The following CHN2 variants were observed in gnomAD, a reference collection of about 807,000 sequenced individuals.
CHN2 encodes chimerin 2.
In CHN2, 35 loss-of-function variants were observed where a neutral mutation model predicts 56.3. The ratio of observed to expected loss-of-function variants is 0.62; its 90% CI spans 0.47 to 0.82. The LOEUF (loss-of-function observed/expected upper bound fraction) is 0.82, where lower values mean the gene tolerates loss of function less well. Among genes scored for constraint, CHN2 ranks in the 40% least tolerant of loss-of-function variants. CHN2 has a pLI of 0.00. For missense variants in CHN2, 491 were observed against 580.5 expected (o/e 0.85, Z 1.58); for synonymous variants, 210 against 212.8 (o/e 0.99, Z 0.12).
At chr7:29,305,619 A>G (rs561489699) in intron 1 of CHN2, among the ~76,000 whole-genome samples, 87 of 152,340 alleles carry the variant, frequency 5.7e-4, no homozygotes, top group African/African-American at 2.0e-3. Context: ...AGAGTTAGCT[A>G]TTTGATTGGC....
rs1413479675 is a variant in CHN2 at position 29,175,917 on chromosome 7, T to TGG, written c.274+28958_274+28959dup. On this transcript the variant is annotated intron_variant, in intron 2 of 6. Transcript: ENST00000439384. ...TGAAAAAAAGACCAGACGGGCGCGGTGGCTCATGCCTGTAATCCCAGCACT... is the reference window on the plus strand; with the variant it reads ...TGAAAAAAAGACCAGACGGGCGCGGTGGGGCTCATGCCTGTAATCCCAGCACT... Among the ~76,000 whole-genome samples, 3 of 152,218 alleles carry TGG rather than the reference T, an allele frequency of 2.0e-5. No homozygotes were observed. The East Asian group carries it at 5.8e-4, about 29-fold the overall frequency.
chr7:29,301,576 A>T (rs1793666931), intron 1 of CHN2, among the ~76,000 whole-genome samples: 3 of 151,800 alleles, frequency 2.0e-5, no homozygotes. Context: ...GGAGATCTGG[A>T]CTCCAGGCAC....
chr7:29,406,683 C>T (rs1383763636), intron 6 of CHN2, among the ~76,000 whole-genome samples: 2 of 152,162 alleles, frequency 1.3e-5, no homozygotes, highest in African/African-American at 4.8e-5. Context: ...GCATCAACAT[C>T]AGCTGGGAGG....
intron 6 of CHN2, among the ~76,000 whole-genome samples, chr7:29,460,745 T>C (rs1372840993): frequency 6.6e-6 from 1 of 152,162 alleles, no homozygotes. Flanking sequence ...GGGAAGCAAA[T>C]GGCTGCTAGT....
intron 6 of CHN2, chr7:29,401,266 T>TA: frequency 1.3e-5 from 2 of 151,780 alleles, no homozygotes; most frequent in Admixed American, 6.5e-5. Context: ...AGACTCCGTC[T>TA]CAAAAAAAAA....
Position 29,337,237 on chromosome 7 carries a change from G to T in CHN2, c.50-17388G>T, listed in dbSNP as rs568951324. Among the ~76,000 whole-genome samples the T allele has an allele frequency of 6.6e-5, 10 of 152,316 alleles. 1 individual carries two copies. In the East Asian group the frequency reaches 1.7e-3, roughly 26 times the overall value. ...TACAATTCCTCCTTATGACCGTGCTGCTGAAAATAGATAAACAGAGGGTAC... is the reference window on the plus strand; with the variant it reads ...TACAATTCCTCCTTATGACCGTGCTTCTGAAAATAGATAAACAGAGGGTAC... On this transcript the variant is annotated intron_variant, in intron 1 of 12. Transcript: ENST00000222792.
At chr7:29,189,284 G>A (rs528499605) in intron 2 of CHN2, among the ~76,000 whole-genome samples, 4 of 151,948 alleles carry the variant, frequency 2.6e-5, no homozygotes, top group Admixed American at 6.6e-5. Context: ...CCCAGGCCTC[G>A]TATACTCCCT....
intron 6 of CHN2, among the ~76,000 whole-genome samples, chr7:29,462,085 G>T (rs758465651): frequency 7.9e-5 from 12 of 152,058 alleles, no homozygotes; most frequent in African/African-American, 1.4e-4. Flanking sequence ...TGTTTCACAC[G>T]CATTTTGTTT....
intron 1 of CHN2, chr7:29,293,078 G>C (rs1039820780): frequency 2.7e-5 from 12 of 451,074 alleles, no homozygotes; most frequent in Non-Finnish European, 5.4e-5. Flanking sequence ...TGCAAAGACA[G>C]AGCTGTCAGG....
At chr7:29,435,120 CAAA>C (rs909662455) in intron 6 of CHN2, among the ~76,000 whole-genome samples, 1 of 151,878 alleles carries the variant, frequency 6.6e-6, no homozygotes, top group Non-Finnish European at 1.5e-5. Context: ...AGCAAACAAA[CAAA>C]AAAACCAACC....
chr7:29,509,190 A>C, intron 11 of CHN2, 111 bp from the exon 12 acceptor site: 1 of 739,776 alleles, frequency 1.4e-6, no homozygotes, highest in Non-Finnish European at 2.4e-6. Flanking sequence ...GATTGCATGA[A>C]TTTATTAGAA....
intron 1 of CHN2, among the ~76,000 whole-genome samples, chr7:29,297,579 G>C (rs367652013): frequency 2.0e-5 from 3 of 152,114 alleles, no homozygotes; most frequent in South Asian, 2.1e-4. Flanking sequence ...GAAACAAGGT[G>C]GGGGGAGGGT....
intron 1 of CHN2, among the ~76,000 whole-genome samples, chr7:29,276,454 T>G (rs1791228946): frequency 6.6e-6 from 1 of 152,182 alleles, no homozygotes; most frequent in African/African-American, 2.4e-5. Context: ...ACTGGCTCTC[T>G]CTGCCAAGGC....
At chr7:29,406,622 C>T (rs145390606) in intron 6 of CHN2, among the ~76,000 whole-genome samples, 264 of 152,180 alleles carry the variant, frequency 1.7e-3, no homozygotes, top group African/African-American at 6.1e-3. Context: ...CTGTGTCCAG[C>T]GTCATTGTTT....
At chr7:29,239,874 T>A (rs1417609393) in intron 1 of CHN2, among the ~76,000 whole-genome samples, 43 of 152,190 alleles carry the variant, frequency 2.8e-4, no homozygotes, top group Non-Finnish European at 2.9e-5. Context: ...AAAGTGCTCC[T>A]ATCAGGGAGA....
chr7:29,483,777 C>T, intron 7 of CHN2: 3 of 1,141,188 alleles, frequency 2.6e-6, no homozygotes, highest in Non-Finnish European at 3.3e-6. Context: ...CCCCAGAGGC[C>T]CGGCAGTCGG....
chr7:29,304,382 A>G lies in CHN2; in HGVS notation c.50-50243A>G, dbSNP rs548747462. ...ACTGAAGGAGCAAATAAACATATTC[A>G]GAGAGGCTTAGCCAAATTGTAATTG... On this transcript the variant is annotated intron_variant, in intron 1 of 12. Transcript: ENST00000222792. Among the ~76,000 whole-genome samples, 16 of 152,340 alleles carry G rather than the reference A, an allele frequency of 1.1e-4. No individual in the cohort carries two copies. The South Asian group carries it at 3.1e-3, about 30-fold the overall frequency.
chr7:29,286,512 C>T (rs1250038840), intron 1 of CHN2, among the ~76,000 whole-genome samples: 2 of 152,074 alleles, frequency 1.3e-5, no homozygotes, highest in African/African-American at 4.8e-5. Flanking sequence ...GGGGCAGGGG[C>T]GAAGCCAGCG....
At chr7:29,221,934 A>G (rs1165742297) in intron 1 of CHN2, among the ~76,000 whole-genome samples, 1 of 152,178 alleles carries the variant, frequency 6.6e-6, no homozygotes, top group Non-Finnish European at 1.5e-5. Flanking sequence ...GCATGCATGT[A>G]TCTTTATCAT....
Sources: gnomAD v4.1 joint callset for allele counts (sites outside exome capture counted in the v4.1 genomes callset) on GRCh38, gnomAD v4.1.1 for gene constraint, MANE v1.5 for transcripts, NCBI Gene and HGNC (gene_info 2026-07-23, HGNC 2026-07-21) for gene names.